Variants in FNBP1 observed in about 807,000 individuals in gnomAD.
FNBP1 encodes formin-binding protein 1.
FNBP1 carries 26 observed loss-of-function variants against 90.6 expected under a neutral mutation model. That is an observed-to-expected ratio of 0.29 (90% CI 0.21 to 0.40). FNBP1 has a LOEUF of 0.40. Ranked by LOEUF, FNBP1 falls within the 10% of genes least tolerant of loss-of-function variation. The pLI is 1.00. For missense variants in FNBP1, 635 were observed against 768.0 expected (o/e 0.83, Z 2.05); for synonymous variants, 260 against 265.2 (o/e 0.98, Z 0.19).
Position 129,900,210 on chromosome 9 carries a change from G to T in FNBP1, c.1551-109C>A. 7.8e-7 allele frequency: 1 copy of T among 1,280,302 alleles called. No homozygotes were observed. Among genetic ancestry groups the T allele is most frequent in the Non-Finnish European group, 1.1e-6 (1 of 950,734 alleles). The allele number at this position is 1,280,302 out of a possible 1,614,324, so 79.3% of individuals were successfully genotyped here. On this transcript the variant is annotated intron_variant, in intron 14 of 16. Coordinates refer to ENST00000446176, the MANE Select transcript of FNBP1 (RefSeq NM_015033.3). The surrounding 1 kb of genome is among the most constrained non-coding windows in gnomAD (Gnocchi z 4.1). ...CTTGCAACCCCGCCCCTCAGCGAGTGCTGTAACTGAGGCCATGGTAAATCA... is the reference window on the plus strand; with the variant it reads ...CTTGCAACCCCGCCCCTCAGCGAGTTCTGTAACTGAGGCCATGGTAAATCA...
the FNBP1 span, among the ~76,000 whole-genome samples, chr9:130,051,438 C>T: frequency 1.3e-5 from 2 of 152,110 alleles, no homozygotes; most frequent in Non-Finnish European, 1.5e-5. Flanking sequence ...ATGTCCAAAC[C>T]GATATCAAAT....
chr9:129,891,732 A>G (rs1267262617), intron 16 of FNBP1, among the ~76,000 whole-genome samples: 1 of 152,184 alleles, frequency 6.6e-6, no homozygotes, highest in African/African-American at 2.4e-5. Flanking sequence ...AGGTGCCATC[A>G]TTTAAAGGAG....
At chr9:130,006,623 T>C (rs2055741572) in intron 1 of FNBP1, among the ~76,000 whole-genome samples, 1 of 152,060 alleles carries the variant, frequency 6.6e-6, no homozygotes, top group South Asian at 2.1e-4. Context: ...TGAGACATGA[T>C]GGTGCCACTG....
At chr9:129,908,057 G>A (rs983259441) in intron 12 of FNBP1, among the ~76,000 whole-genome samples, 20 of 151,778 alleles carry the variant, frequency 1.3e-4, no homozygotes, top group Admixed American at 1.2e-3. Context: ...ACAGCTCACT[G>A]CAGCCTCCAC....
intron 8 of FNBP1, 72 bp from the exon 9 acceptor site, chr9:129,925,229 A>G: frequency 2.4e-6 from 3 of 1,264,638 alleles, no homozygotes; most frequent in Non-Finnish European, 3.4e-6. Flanking sequence ...TGAATTGGCC[A>G]GGTGCGGTGG....
chr9:129,888,528 G>C lies in FNBP1; in HGVS notation c.*2011C>G, dbSNP rs41279162. ...GTCAAGTCAGTCCTCCTGCGTGACTGATGGGTGCACCACGCTTAGGTCACC... is the reference window on the plus strand; with the variant it reads ...GTCAAGTCAGTCCTCCTGCGTGACTCATGGGTGCACCACGCTTAGGTCACC... On this transcript the variant is annotated 3_prime_UTR_variant, in exon 17 of 17. Coordinates refer to ENST00000446176, the MANE Select transcript of FNBP1 (RefSeq NM_015033.3). The C allele has an allele frequency of 4.3e-6, 1 of 232,812 alleles. No homozygotes were observed. Among genetic ancestry groups the C allele is most frequent in the Non-Finnish European group, 8.5e-6 (1 of 117,828 alleles). 14.4% of individuals were successfully genotyped at this position (232,812 alleles called of 1,614,324 possible).
rs41279170 is a variant in FNBP1, at chr9:129,927,330, C to T, written c.654G>A (p.Glu218=). The change falls in exon 8 of 17, where the codon GAG becomes GAA. Residue 218 remains glutamate, a synonymous_variant. Coordinates refer to ENST00000446176, the MANE Select transcript of FNBP1 (RefSeq NM_015033.3). ...HIPNIFQKIQ[E]MEERRIVRMG... is the part of the protein sequence containing the mutation. ...TTCTCACAATCCTCCTTTCCTCCAT[C>T]TCTTGTATTTTCTGCAACATTAGAT... is the stretch of plus-strand genomic sequence containing the variant. 1.2e-6 allele frequency: 2 copies of T among 1,611,390 alleles called. No homozygotes were observed. The highest frequency in any genetic ancestry group is 1.7e-6 in the Non-Finnish European group (2 of 1,178,602).
chr9:129,929,490 ATCACGAT>A (rs1480924698), intron 7 of FNBP1, 70 bp downstream of exon 7: 2 of 1,341,112 alleles, frequency 1.5e-6, no homozygotes, highest in Non-Finnish European at 2.1e-6. Context: ...AAACCCAGCA[ATCACGAT>A]TCAGAAGTGT....
At chr9:129,905,646 T>G (rs1331110738) in intron 12 of FNBP1, among the ~76,000 whole-genome samples, 2 of 149,792 alleles carry the variant, frequency 1.3e-5, no homozygotes, top group Admixed American at 1.3e-4. Context: ...CTGTTCTTTT[T>G]CCGACTTCTT....
intron 1 of FNBP1, among the ~76,000 whole-genome samples, chr9:130,034,911 C>T (rs548778742): frequency 3.3e-5 from 5 of 152,220 alleles, no homozygotes; most frequent in Non-Finnish European, 7.4e-5. Context: ...CTTTGGGAGG[C>T]CAAGGTGGAA....
chr9:129,991,699 G>GC (rs2053195243), intron 2 of FNBP1, among the ~76,000 whole-genome samples: 1 of 147,224 alleles, frequency 6.8e-6, no homozygotes, highest in South Asian at 2.1e-4. Context: ...TCACTCTGTC[G>GC]CCCAGGCTGG....
At chr9:130,053,728 T>C in the FNBP1 span, 1 of 586,064 alleles carries the variant, frequency 1.7e-6, no homozygotes, top group Non-Finnish European at 3.0e-6. Context: ...TAACTGAAAG[T>C]CTGCACAGGA....
intron 12 of FNBP1, among the ~76,000 whole-genome samples, chr9:129,904,541 C>G (rs1367625066): frequency 6.6e-6 from 1 of 152,182 alleles, no homozygotes; most frequent in African/African-American, 2.4e-5. Context: ...AAAGACAAAC[C>G]AAAAGATACA....
intron 2 of FNBP1, among the ~76,000 whole-genome samples, chr9:129,994,404 G>C (rs530049383): frequency 6.6e-5 from 10 of 152,150 alleles, no homozygotes; most frequent in Non-Finnish European, 1.3e-4. Flanking sequence ...GGTTACCGCT[G>C]GGGGGAGAGT....
rs1439009841 is a variant in FNBP1, at chr9:130,042,765, C to T, written c.24+187G>A. On this transcript the variant is annotated intron_variant, in intron 1 of 16. Transcript: ENST00000446176. This position sits in a 1 kb window ranked among gnomAD's most constrained non-coding sequence, Gnocchi z 5.5. ...CCCTCGCCTCCGAAGGACAAGCCGG[C>T]CCGCACCTCCTGCTCGGGCCAAGGC... Among the ~76,000 whole-genome samples, 1 of 151,936 alleles carries T rather than the reference C, an allele frequency of 6.6e-6. No homozygotes were observed. The highest frequency in any genetic ancestry group is 6.6e-5 in the Admixed American group (1 of 15,254).
chr9:129,938,782 A>C (rs1429530602), intron 6 of FNBP1, among the ~76,000 whole-genome samples: 1 of 152,174 alleles, frequency 6.6e-6, no homozygotes, highest in African/African-American at 2.4e-5. Context: ...CTAAAAGAGA[A>C]GAGGCCAATG....
chr9:129,894,148 A>T (rs1460787753), intron 16 of FNBP1, among the ~76,000 whole-genome samples: 1 of 152,074 alleles, frequency 6.6e-6, no homozygotes, highest in Admixed American at 6.6e-5. Context: ...AGTAGGAAGG[A>T]CACAAGGAAA....
chr9:129,964,589 C>T (rs2048296504), intron 4 of FNBP1, among the ~76,000 whole-genome samples: 2 of 148,496 alleles, frequency 1.3e-5, no homozygotes, highest in African/African-American at 5.0e-5. Context: ...ACAGAGGTGG[C>T]TGAGATTAAA....
intron 16 of FNBP1, among the ~76,000 whole-genome samples, chr9:129,893,192 C>T (rs2035281974): frequency 6.6e-6 from 1 of 152,052 alleles, no homozygotes; most frequent in African/African-American, 2.4e-5. Context: ...CTTCCTACTG[C>T]TCATTTAAAC....
Sources: gnomAD v4.1 joint callset for allele counts (sites outside exome capture counted in the v4.1 genomes callset) on GRCh38, gnomAD v4.1.1 for gene constraint, Gnocchi (gnomAD v3.1) non-coding constraint, MANE v1.5 for transcripts, NCBI Gene and HGNC (gene_info 2026-07-23, HGNC 2026-07-21) for gene names.